The following IQCM variants were observed in gnomAD, a reference collection of about 807,000 sequenced individuals.
IQCM encodes IQ domain-containing protein M.
A neutral mutation model predicts 57.6 loss-of-function variants in IQCM; 45 were observed. The ratio of observed to expected loss-of-function variants is 0.78; its 90% CI spans 0.62 to 1.00. The LOEUF (loss-of-function observed/expected upper bound fraction) is 1.00, where lower values mean the gene tolerates loss of function less well. Among genes scored for constraint, IQCM ranks in the 50% least tolerant of loss-of-function variants. IQCM has a pLI of 0.00. For missense variants in IQCM, 468 were observed against 511.6 expected (o/e 0.91, Z 0.82); for synonymous variants, 148 against 158.9 (o/e 0.93, Z 0.51).
At chr4:149,603,903 C>T (rs1433312233) in intron 8 of IQCM, among the ~76,000 whole-genome samples, 1 of 152,044 alleles carries the variant, frequency 6.6e-6, no homozygotes, top group Non-Finnish European at 1.5e-5. Flanking sequence ...TGTATATGCA[C>T]ACCTGTGACA....
intron 13 of IQCM, among the ~76,000 whole-genome samples, chr4:149,404,310 C>T (rs1732826560): frequency 6.6e-6 from 1 of 151,986 alleles, no homozygotes; most frequent in African/African-American, 2.4e-5. Context: ...TGGCCACTAT[C>T]AAAGCATGGA....
intron 7 of IQCM, among the ~76,000 whole-genome samples, chr4:149,642,915 C>T (rs1758319536): frequency 6.6e-6 from 1 of 152,078 alleles, no homozygotes; most frequent in Non-Finnish European, 1.5e-5. Flanking sequence ...TAGCAGAACT[C>T]ATACACAATA....
intron 2 of IQCM, among the ~76,000 whole-genome samples, chr4:149,778,418 T>C (rs1184522985): frequency 6.6e-6 from 1 of 151,730 alleles, no homozygotes; most frequent in Non-Finnish European, 1.5e-5. Context: ...CATATCAAAA[T>C]TTGGGCAACA....
intron 12 of IQCM, among the ~76,000 whole-genome samples, chr4:149,450,047 CAA>C (rs923454168): frequency 2.0e-5 from 3 of 151,564 alleles, no homozygotes; most frequent in Non-Finnish European, 4.4e-5. Flanking sequence ...AACTCAGAAA[CAA>C]ATCCACACAT....
At chr4:149,449,242 C>T (rs1029102054) in intron 12 of IQCM, among the ~76,000 whole-genome samples, 21 of 131,346 alleles carry the variant, frequency 1.6e-4, no homozygotes, top group Non-Finnish European at 2.2e-4. Context: ...AACAAACAAA[C>T]AACAAAAAAA....
intron 7 of IQCM, among the ~76,000 whole-genome samples, chr4:149,626,577 TC>T (rs1756832158): frequency 6.6e-6 from 1 of 151,960 alleles, no homozygotes; most frequent in Non-Finnish European, 1.5e-5. Context: ...TTGCATAACA[TC>T]TTTCTGAATT....
chr4:149,411,471 T>A (rs1733379170), intron 13 of IQCM, among the ~76,000 whole-genome samples: 1 of 152,162 alleles, frequency 6.6e-6, no homozygotes, highest in Admixed American at 6.6e-5. Flanking sequence ...TATTAACTAA[T>A]TTGTATTTGG....
intron 12 of IQCM, among the ~76,000 whole-genome samples, chr4:149,500,004 C>A (rs1743075345): frequency 6.6e-6 from 1 of 152,194 alleles, no homozygotes; most frequent in African/African-American, 2.4e-5. Flanking sequence ...TCCCAGCTAG[C>A]CCAAGGCAAC....
At chr4:149,504,839 G>A (rs1743620600) in intron 12 of IQCM, among the ~76,000 whole-genome samples, 1 of 152,132 alleles carries the variant, frequency 6.6e-6, no homozygotes, top group Non-Finnish European at 1.5e-5. Context: ...CTTGAGCCCA[G>A]GAGGCAGAGG....
chr4:149,492,931 A>G (rs540184780), intron 12 of IQCM, among the ~76,000 whole-genome samples: 1 of 152,150 alleles, frequency 6.6e-6, no homozygotes, highest in Non-Finnish European at 1.5e-5. Flanking sequence ...TCAGGAAGTC[A>G]TCTGACCCCT....
chr4:149,757,739 ATATG>A (rs755470981), intron 2 of IQCM, among the ~76,000 whole-genome samples: 1 of 100,170 alleles, frequency 1.0e-5, no homozygotes, highest in African/African-American at 3.1e-5. Flanking sequence ...CTGATATTAT[ATATG>A]TGTGTGTGTG....
At chr4:149,502,157 C>CAA (rs1394330596) in intron 12 of IQCM, among the ~76,000 whole-genome samples, 1 of 151,772 alleles carries the variant, frequency 6.6e-6, no homozygotes, top group Non-Finnish European at 1.5e-5. Flanking sequence ...TATATACACA[C>CAA]ACACACACAC....
chr4:149,705,935 C>G (rs1306300677), intron 5 of IQCM, among the ~76,000 whole-genome samples: 3 of 151,656 alleles, frequency 2.0e-5, no homozygotes, highest in Non-Finnish European at 2.9e-5. Context: ...AATTCTATAT[C>G]TTTGTATGCC....
intron 2 of IQCM, among the ~76,000 whole-genome samples, chr4:149,807,647 C>A (rs1335162702): frequency 6.6e-6 from 1 of 151,792 alleles, no homozygotes; most frequent in Non-Finnish European, 1.5e-5. Context: ...AAGAGACAAC[C>A]CATAGAATGG....
chr4:149,440,585 C>T (rs552581649), intron 12 of IQCM, among the ~76,000 whole-genome samples: 1 of 152,092 alleles, frequency 6.6e-6, no homozygotes, highest in Non-Finnish European at 1.5e-5. Context: ...TTAGCCCTGA[C>T]ATGCAAAAAT....
chr4:149,414,419 T>G (rs1348580974), intron 13 of IQCM, among the ~76,000 whole-genome samples: 1 of 152,158 alleles, frequency 6.6e-6, no homozygotes, highest in Non-Finnish European at 1.5e-5. Context: ...GGTCTGAATT[T>G]CAGTCTCTGA....
rs572654159 is a variant in IQCM at position 149,469,157 on chromosome 4, C to T, written c.1229-35600G>A. ...GAGTTGAGAGAAGGCTTCAGACGAT[C>T]GGTAATAACAAACTTCTCTGAGCTA... On this transcript the variant is annotated intron_variant, in intron 12 of 13. Transcript: ENST00000636793. Among the ~76,000 whole-genome samples, 88 of 152,224 alleles carry T rather than the reference C, an allele frequency of 5.8e-4. 1 individual carries two copies. In the South Asian group the frequency reaches 0.015, roughly 27 times the overall value.
intron 13 of IQCM, among the ~76,000 whole-genome samples, chr4:149,398,971 G>A (rs1218229404): frequency 6.6e-6 from 1 of 152,052 alleles, no homozygotes; most frequent in Non-Finnish European, 1.5e-5. Flanking sequence ...CTTGGCTTAA[G>A]TGATCTTCCT....
intron 8 of IQCM, among the ~76,000 whole-genome samples, chr4:149,602,035 C>CAAAAAAAAAAAAAAAAAAA (rs1236897737): frequency 2.8e-5 from 1 of 35,458 alleles, no homozygotes; most frequent in Non-Finnish European, 6.4e-5. Context: ...GCCTGGGCGA[C>CAAAAAAAAAAAAAAAAAAA]AAAAAAAAAA....
Sources: gnomAD v4.1 joint callset for allele counts (sites outside exome capture counted in the v4.1 genomes callset) on GRCh38, gnomAD v4.1.1 for gene constraint, MANE v1.5 for transcripts, NCBI Gene and HGNC (gene_info 2026-07-23, HGNC 2026-07-21) for gene names.